Variants in KLHL13 observed in about 807,000 individuals in gnomAD.
KLHL13 encodes the protein kelch-like protein 13.
In KLHL13, 10 loss-of-function variants were observed where a neutral mutation model predicts 37.1. That is an observed-to-expected ratio of 0.27 (90% CI 0.17 to 0.46). The LOEUF (loss-of-function observed/expected upper bound fraction) is 0.46. Among genes scored for constraint, KLHL13 ranks in the 20% least tolerant of loss-of-function variants. The pLI, the probability that KLHL13 is intolerant of heterozygous loss-of-function variation, is 1.00. For synonymous variants in KLHL13, 163 were observed against 181.2 expected (o/e 0.90, Z 0.81); for missense variants, 360 against 509.3 (o/e 0.71, Z 2.82).
At chrX:117,961,756 A>C (rs2053300820) in intron 1 of KLHL13, among the ~76,000 whole-genome samples, 1 of 111,048 alleles carries the variant, frequency 9.0e-6, no homozygotes, top group Non-Finnish European at 1.9e-5. Context: ...ATAGCCAACA[A>C]GATGATAGGA....
chrX:118,052,106 ACTT>A (rs2054619953), intron 1 of KLHL13, among the ~76,000 whole-genome samples: 2 of 111,543 alleles, frequency 1.8e-5, no homozygotes, highest in Admixed American at 1.9e-4. Context: ...GGAAGATAAA[ACTT>A]CTCAAAAAAC....
intron 1 of KLHL13, among the ~76,000 whole-genome samples, chrX:117,959,191 T>C (rs2053250230): frequency 8.9e-6 from 1 of 112,027 alleles, no homozygotes; most frequent in Non-Finnish European, 1.9e-5. Context: ...CAAACCTTTG[T>C]TTCCAGTTTC....
At position 118,067,971 on chromosome X, in the gene KLHL13, C is replaced by G. The variant is rs1029570273; in HGVS notation, c.-56+48537G>C. On this transcript the variant is annotated intron_variant, in intron 1 of 6. Transcript: ENST00000371882. ...TATATATATAACAGTATTGCTATACCTTTATACCACTAGAAGCAGCACAGT... is the reference window on the plus strand; with the variant it reads ...TATATATATAACAGTATTGCTATACGTTTATACCACTAGAAGCAGCACAGT... 2.7e-5 allele frequency among the ~76,000 whole-genome samples: 3 copies of G among 111,356 alleles called. No individual in the cohort carries two copies. The Admixed American group carries it at 2.9e-4, about 11-fold the overall frequency.
chrX:118,012,099 G>A (rs768044632), intron 1 of KLHL13, among the ~76,000 whole-genome samples: 5 of 111,862 alleles, frequency 4.5e-5, no homozygotes, highest in Non-Finnish European at 9.4e-5. Context: ...TTTTAAAGCA[G>A]CCAGAGTTCT....
At chrX:117,899,317 G>T in exon 7 of KLHL13, 2 of 1,210,802 alleles carry the variant, frequency 1.7e-6, no homozygotes, top group Non-Finnish European at 2.2e-6. Context: ...AGTGGTCATT[G>T]GCGCCTTCTG....
At chrX:118,013,534 A>G (rs2054092740) in intron 1 of KLHL13, among the ~76,000 whole-genome samples, 2 of 112,330 alleles carry the variant, frequency 1.8e-5, no homozygotes, top group Non-Finnish European at 3.8e-5. Flanking sequence ...AGAGAAAGCC[A>G]AGTAAGATAA....
At chrX:118,098,067 A>T (rs1304818395) in intron 1 of KLHL13, among the ~76,000 whole-genome samples, 8 of 112,028 alleles carry the variant, frequency 7.1e-5, no homozygotes, top group South Asian at 7.4e-4. Flanking sequence ...ACAAAAACCA[A>T]AATTGACAAA....
intron 1 of KLHL13, among the ~76,000 whole-genome samples, chrX:118,068,978 A>C: frequency 9.0e-6 from 1 of 110,505 alleles, no homozygotes; most frequent in Non-Finnish European, 1.9e-5. Context: ...TTGGCAGAAC[A>C]GCTCCATCTT....
chrX:117,987,487 T>G (rs1310283152), intron 1 of KLHL13, among the ~76,000 whole-genome samples: 5 of 111,519 alleles, frequency 4.5e-5, no homozygotes, highest in African/African-American at 1.6e-4. Flanking sequence ...GTCTAAATAT[T>G]TAGTATTCTC....
chrX:118,010,631 C>A (rs1377150671), intron 1 of KLHL13, among the ~76,000 whole-genome samples: 1 of 84,747 alleles, frequency 1.2e-5, no homozygotes, highest in Non-Finnish European at 2.3e-5. Flanking sequence ...GGGAGATATA[C>A]CTAATGCTAG....
intron 4 of KLHL13, among the ~76,000 whole-genome samples, chrX:117,916,865 C>T (rs1039328848): frequency 8.9e-6 from 1 of 111,871 alleles, no homozygotes; most frequent in Non-Finnish European, 1.9e-5. Context: ...TATTTCAGCA[C>T]ACCGTTCTTA....
intron 1 of KLHL13, among the ~76,000 whole-genome samples, chrX:117,952,024 G>A (rs1316213187): frequency 9.0e-6 from 1 of 111,414 alleles, no homozygotes; most frequent in Admixed American, 9.5e-5. Context: ...AGCTACCAAT[G>A]ACTTTCTTCA....
At chrX:118,016,702 A>G (rs1365649768) in intron 1 of KLHL13, among the ~76,000 whole-genome samples, 1 of 111,835 alleles carries the variant, frequency 8.9e-6, no homozygotes, top group Admixed American at 9.5e-5. Flanking sequence ...GTGGTAAAGT[A>G]GTTCAGAGGC....
chrX:117,945,311 A>G, intron 2 of KLHL13, 123 bp downstream of exon 3: 1 of 651,235 alleles, frequency 1.5e-6, no homozygotes, highest in East Asian at 3.5e-5. Flanking sequence ...AATAGTTACC[A>G]TACATTTCCT....
intron 1 of KLHL13, among the ~76,000 whole-genome samples, chrX:118,073,415 C>T (rs2054893813): frequency 9.0e-6 from 1 of 110,870 alleles, no homozygotes; most frequent in Non-Finnish European, 1.9e-5. Flanking sequence ...ATAGGAAAGA[C>T]CTGCCCCCAT....
chrX:118,083,627 G>A (rs776175488), intron 1 of KLHL13, among the ~76,000 whole-genome samples: 4 of 111,263 alleles, frequency 3.6e-5, no homozygotes, highest in Non-Finnish European at 7.5e-5. Context: ...AAAAGTTACA[G>A]TTAGATAGGA....
intron 1 of KLHL13, among the ~76,000 whole-genome samples, chrX:118,067,078 C>T (rs1468820060): frequency 1.5e-4 from 17 of 111,563 alleles, no homozygotes; most frequent in African/African-American, 5.5e-4. Flanking sequence ...ATAGAATACA[C>T]TTACACAAAC....
intron 5 of KLHL13, among the ~76,000 whole-genome samples, chrX:117,903,204 G>A (rs1265489561): frequency 9.5e-6 from 1 of 105,801 alleles, no homozygotes; most frequent in African/African-American, 3.5e-5. Flanking sequence ...GAGAGAGAGA[G>A]ACTACTTTTC....
chrX:117,908,795 A>T (rs958895163), intron 5 of KLHL13, among the ~76,000 whole-genome samples: 1 of 112,166 alleles, frequency 8.9e-6, no homozygotes, highest in Non-Finnish European at 1.9e-5. Context: ...ACAGTGAACA[A>T]ACTTTGGATA....
Sources: allele counts gnomAD v4.1 joint callset (sites outside exome capture counted in the v4.1 genomes callset), GRCh38; gene constraint gnomAD v4.1.1; transcripts MANE v1.5; gene names NCBI Gene and HGNC (gene_info 2026-07-23, HGNC 2026-07-21).